Variants in ARFGEF2 observed in about 807,000 individuals in gnomAD.
The protein encoded by ARFGEF2 is ARF guanine nucleotide exchange factor 2, also known as brefeldin A-inhibited guanine nucleotide-exchange protein 2.
ARFGEF2 carries 74 observed loss-of-function variants against 219.9 expected under a neutral mutation model. The ratio of observed to expected loss-of-function variants is 0.34; its 90% CI spans 0.28 to 0.41. The LOEUF (loss-of-function observed/expected upper bound fraction) is 0.41, where lower values mean the gene tolerates loss of function less well. Among genes scored for constraint, ARFGEF2 ranks in the 10% least tolerant of loss-of-function variants. The pLI is 1.00. For missense variants in ARFGEF2, 1,743 were observed against 2,218.3 expected (o/e 0.79, Z 4.30); for synonymous variants, 733 against 799.2 (o/e 0.92, Z 1.40).
At chr20:48,947,917 A>G (rs1041114283) in intron 3 of ARFGEF2, among the ~76,000 whole-genome samples, 3 of 152,204 alleles carry the variant, frequency 2.0e-5, no homozygotes, top group African/African-American at 7.2e-5. Flanking sequence ...TACAACTTTG[A>G]CAGGACAATT....
intron 25 of ARFGEF2, among the ~76,000 whole-genome samples, chr20:48,999,637 C>T (rs968010969): frequency 1.7e-4 from 25 of 151,416 alleles, no homozygotes; most frequent in African/African-American, 5.1e-4. Context: ...GTCCCAGCTA[C>T]TCAGGAGGCT....
At chr20:48,938,113 A>G (rs1470245773) in intron 1 of ARFGEF2, among the ~76,000 whole-genome samples, 1 of 152,196 alleles carries the variant, frequency 6.6e-6, no homozygotes, top group Non-Finnish European at 1.5e-5. Context: ...TCCAGTACTT[A>G]ATAACTTGTA....
chr20:48,965,763 G>GAA (rs1467997851), intron 7 of ARFGEF2, 109 bp from the exon 8 acceptor site: 2 of 1,383,432 alleles, frequency 1.4e-6, no homozygotes, highest in African/African-American at 2.9e-5. Context: ...AGGAAAAGGG[G>GAA]AAAAAGCAAC....
intron 9 of ARFGEF2, among the ~76,000 whole-genome samples, chr20:48,970,840 G>A (rs1281290275): frequency 1.3e-5 from 2 of 152,090 alleles, no homozygotes. Flanking sequence ...CAGTACAGTT[G>A]CAGAACTCGC....
intron 1 of ARFGEF2, among the ~76,000 whole-genome samples, chr20:48,939,641 C>G (rs1201141503): frequency 6.6e-6 from 1 of 152,158 alleles, no homozygotes; most frequent in Non-Finnish European, 1.5e-5. Flanking sequence ...GCTCTCTGAC[C>G]CTGTGTGTCA....
chr20:48,990,712 G>T (rs1418497095), intron 20 of ARFGEF2, among the ~76,000 whole-genome samples: 1 of 152,198 alleles, frequency 6.6e-6, no homozygotes, highest in African/African-American at 2.4e-5. Context: ...AAACAGACCT[G>T]CCTGGCAGAA....
chr20:48,949,315 C>T (rs1292249467), intron 3 of ARFGEF2, among the ~76,000 whole-genome samples: 1 of 152,136 alleles, frequency 6.6e-6, no homozygotes. Flanking sequence ...TTGAGGAGTT[C>T]CTAGACCACC....
intron 14 of ARFGEF2, among the ~76,000 whole-genome samples, chr20:48,979,094 GAT>G (rs2091279765): frequency 6.6e-6 from 1 of 152,204 alleles, no homozygotes; most frequent in Admixed American, 6.5e-5. Context: ...CATTCAGTAT[GAT>G]AATTGGCTGT....
At chr20:48,928,932 C>G (rs1371332935) in intron 1 of ARFGEF2, among the ~76,000 whole-genome samples, 1 of 152,178 alleles carries the variant, frequency 6.6e-6, no homozygotes, top group Non-Finnish European at 1.5e-5. Flanking sequence ...GAGCTCTATC[C>G]TGTACTTGTA....
chr20:48,933,760 T>G lies in ARFGEF2; in HGVS notation c.122-7439T>G, dbSNP rs192230285. On this transcript the variant is annotated intron_variant, in intron 1 of 38. Coordinates refer to ENST00000371917, the MANE Select transcript of ARFGEF2 (RefSeq NM_006420.3). ...AATTATCTGCACTCTTGGTGCCTAG[T>G]TATGGTCTCTGGAGCATGTGGGGCT... is the stretch of plus-strand genomic sequence containing the variant. 1.9e-3 allele frequency among the ~76,000 whole-genome samples: 285 copies of G among 152,162 alleles called. 1 individual carries two copies. The highest frequency in any genetic ancestry group is 6.6e-3 in the African/African-American group (272 of 41,502).
intron 28 of ARFGEF2, among the ~76,000 whole-genome samples, chr20:49,012,516 T>TTTGTTTG (rs370701636): frequency 2.6e-4 from 38 of 144,444 alleles, no homozygotes; most frequent in Middle Eastern, 3.5e-3. Flanking sequence ...TTGTTTGTTT[T>TTTGTTTG]TTTGATGTGT....
intron 1 of ARFGEF2, among the ~76,000 whole-genome samples, chr20:48,924,852 C>T (rs1282152782): frequency 6.6e-6 from 1 of 152,092 alleles, no homozygotes; most frequent in Non-Finnish European, 1.5e-5. Flanking sequence ...AAGTTACTTC[C>T]TTATAGGATT....
At chr20:48,935,947 G>GT (rs1429893967) in intron 1 of ARFGEF2, among the ~76,000 whole-genome samples, 2 of 139,166 alleles carry the variant, frequency 1.4e-5, no homozygotes, top group African/African-American at 5.8e-5. Context: ...CGGGGGGGGG[G>GT]GCTGACCCCC....
chr20:48,928,609 C>G (rs1420749132), intron 1 of ARFGEF2, among the ~76,000 whole-genome samples: 1 of 150,884 alleles, frequency 6.6e-6, no homozygotes, highest in Non-Finnish European at 1.5e-5. Context: ...ATTCTCCTGC[C>G]TCAGCCTCCC....
chr20:48,949,078 G>A (rs1600600553), intron 3 of ARFGEF2, among the ~76,000 whole-genome samples: 1 of 152,200 alleles, frequency 6.6e-6, no homozygotes, highest in Non-Finnish European at 1.5e-5. Flanking sequence ...AGATCCACAG[G>A]ATACAGGAAC....
intron 3 of ARFGEF2, among the ~76,000 whole-genome samples, chr20:48,950,811 AATATATATATATATATAT>A (rs71184245): frequency 1.9e-4 from 12 of 64,510 alleles, no homozygotes; most frequent in East Asian, 1.5e-3. Flanking sequence ...AAAAAAAAAA[AATATATATATATATATAT>A]ATATATATAT....
chr20:48,963,721 G>T, intron 6 of ARFGEF2, 109 bp from the exon 7 acceptor site: 5 of 1,079,602 alleles, frequency 4.6e-6, no homozygotes, highest in South Asian at 1.3e-5. Flanking sequence ...GAACTTATTT[G>T]CACCCTTTGC....
intron 14 of ARFGEF2, 45 bp from the exon 15 acceptor site, chr20:48,984,684 A>C (rs1434021677): frequency 6.2e-7 from 1 of 1,612,910 alleles, no homozygotes; most frequent in African/African-American, 1.3e-5. Context: ...GCTATCCTCC[A>C]GATTTTGAAA....
rs544862151 is a variant in ARFGEF2, at chr20:48,972,338, G to A, written c.1438G>A (p.Glu480Lys). Residue 480 changes from glutamate (E) to lysine (K), a missense_variant, in exon 11 of 39, where the codon GAG becomes AAG. This residue lies in a region of ARFGEF2 where 666 missense variants were observed against 955.4 expected (regional missense o/e 0.70). Coordinates refer to ENST00000371917, the MANE Select transcript of ARFGEF2 (RefSeq NM_006420.3). Reference sequence around the variant, plus strand: ...TTATGTCATATAGGTCTTTTTCAAAGAGATTTTCCTGAACATTTTAGAAAC... The same window carrying A: ...TTATGTCATATAGGTCTTTTTCAAAAAGATTTTCCTGAACATTTTAGAAAC... ...LKMQIEVFFK[E>K]IFLNILETST... 17 of 1,613,248 alleles carry A rather than the reference G, an allele frequency of 1.1e-5. No homozygotes were observed. In the Admixed American group the frequency reaches 2.0e-4, roughly 19 times the overall value.
Sources: allele counts gnomAD v4.1 joint callset (sites outside exome capture counted in the v4.1 genomes callset), GRCh38; gene constraint gnomAD v4.1.1; regional missense constraint gnomAD v4.1.1; transcripts MANE v1.5; gene names NCBI Gene and HGNC (gene_info 2026-07-23, HGNC 2026-07-21).